The following CORO6 variants were observed in gnomAD, a reference collection of about 807,000 sequenced individuals.
CORO6 encodes the protein coronin 6, also known as coronin-6.
A neutral mutation model predicts 49.0 loss-of-function variants in CORO6; 43 were observed. The observed-to-expected ratio is 0.88, with a 90% CI of 0.69 to 1.13. The LOEUF is 1.13. CORO6 is among the 50% of genes most tolerant of loss of function. CORO6 has a pLI of 0.00. For synonymous variants in CORO6, 233 were observed against 256.5 expected (o/e 0.91, Z 0.88); for missense variants, 650 against 647.0 (o/e 1.00, Z -0.05).
intron 5 of CORO6, chr17:29,618,117 G>A (rs891832793): frequency 7.0e-6 from 10 of 1,434,930 alleles, no homozygotes; most frequent in Non-Finnish European, 9.1e-6. Flanking sequence ...TCCCGTCTGC[G>A]GTGAAGACAG....
At chr17:29,619,350 G>T (rs2035188116) in intron 3 of CORO6, among the ~76,000 whole-genome samples, 161 bp from the exon 4 acceptor site, 3 of 152,146 alleles carry the variant, frequency 2.0e-5, no homozygotes, top group South Asian at 2.1e-4. Flanking sequence ...AAGCAGCTGG[G>T]AGCCAGGAGG....
chr17:29,616,757 C>T lies in CORO6; in HGVS notation c.949G>A (p.Gly317Ser), dbSNP rs781163770. The change falls in exon 8 of 11, where the codon GGC (glycine) becomes AGC (serine). Residue 317 changes from glycine (G) to serine (S), a missense_variant. Gly to Ser is a moderately conservative substitution (Grantham distance 56). Coordinates refer to ENST00000388767, the MANE Select transcript of CORO6 (RefSeq NM_032854.4). This position sits in a 1 kb window ranked among gnomAD's most constrained non-coding sequence, Gnocchi z 5.6. ...NTFSSKEPQR[G>S]MGFMPKRGLD... The stretch of plus-strand genomic sequence containing the variant: ...CCCCTTTTGGGCATGAAACCCATGC[C>T]CCGCTGCGGCTCTTTGCTGCTGAAC... 1.2e-6 allele frequency: 2 copies of T among 1,613,860 alleles called. No homozygotes were observed. Among genetic ancestry groups the T allele is most frequent in the African/African-American group, 2.7e-5 (2 of 75,016 alleles).
chr17:29,619,537 C>T (rs2035198382), intron 3 of CORO6, 114 bp downstream of exon 3: 7 of 1,055,564 alleles, frequency 6.6e-6, no homozygotes, highest in Non-Finnish European at 8.6e-6. Context: ...CAGGGCAGGG[C>T]CCTGGGACCC....
At position 29,619,589 on chromosome 17, in the gene CORO6, A is replaced by G. The variant is rs988372964; in HGVS notation, c.321+62T>C. 11 of 1,551,528 alleles carry G rather than the reference A, an allele frequency of 7.1e-6. No individual in the cohort carries two copies. The African/African-American group carries it at 1.2e-4, about 17-fold the overall frequency. On this transcript the variant is annotated intron_variant, in intron 3 of 10. Transcript: ENST00000388767. Reference sequence around the variant, plus strand: ...CCACCCTTAGCACCTTCCCCAGCACAGGTGAGGCAGCCTTCCCTGCTCCCC... The same window carrying G: ...CCACCCTTAGCACCTTCCCCAGCACGGGTGAGGCAGCCTTCCCTGCTCCCC...
At position 29,615,831 on chromosome 17, in the gene CORO6, C is replaced by T. The variant is rs1174007764; in HGVS notation, c.1320G>A (p.Leu440=). The stretch of plus-strand genomic sequence containing the variant: ...GCTCGCGGAGGGCCTTGATCTCTTC[C>T]AGCAGCGTCTCCAGGGTGTGCTGCT... ...LSQQHTLETL[L]EEIKALRERV... The change falls in exon 11 of 11, where the codon CTG becomes CTA. Residue 440 remains leucine, a synonymous_variant. Transcript: ENST00000388767. 1.3e-6 allele frequency: 2 copies of T among 1,588,018 alleles called. No homozygotes were observed. Among genetic ancestry groups the T allele is most frequent in the Non-Finnish European group, 1.7e-6 (2 of 1,168,406 alleles).
chr17:29,618,554 G>A (rs961677870), intron 5 of CORO6: 2 of 1,376,198 alleles, frequency 1.5e-6, no homozygotes, highest in African/African-American at 2.9e-5. Context: ...CCTTCTCTGA[G>A]CTTCTGAGAT....
At chr17:29,622,656 G>A in intron 1 of CORO6, 32 bp downstream of exon 1, 1 of 1,142,172 alleles carries the variant, frequency 8.8e-7, no homozygotes, top group East Asian at 9.1e-5. Context: ...TCCGCTGGCT[G>A]CGGTGACGGC....
intron 5 of CORO6, chr17:29,618,123 G>A: frequency 7.0e-7 from 1 of 1,429,012 alleles, no homozygotes; most frequent in Middle Eastern, 1.9e-4. Flanking sequence ...CTGCGGTGAA[G>A]ACAGCCCGCA....
chr17:29,615,768 C>G lies in CORO6; in HGVS notation c.1383G>C (p.Glu461Asp). ...CGTCCACCAGCTCGCACAGCATGTTCTCCAGAGCCGTGATGCGCTGCTCCT... is the reference window on the plus strand; with the variant it reads ...CGTCCACCAGCTCGCACAGCATGTTGTCCAGAGCCGTGATGCGCTGCTCCT... Reference protein sequence around the residue: ...QAQEQRITALENMLCELVDGT... With the variant: ...QAQEQRITALDNMLCELVDGT... Residue 461 changes from glutamate to aspartate, a missense_variant, in exon 11 of 11, where the codon GAG becomes GAC. Transcript: ENST00000388767. 6.4e-7 allele frequency: 1 copy of G among 1,552,826 alleles called. No individual in the cohort carries two copies. Among genetic ancestry groups the G allele is most frequent in the Admixed American group, 1.9e-5 (1 of 51,304 alleles).
Position 29,616,773 on chromosome 17 carries a change from G to A in CORO6, c.933C>T (p.Ser311=). 1 of 1,613,924 alleles carries A rather than the reference G, an allele frequency of 6.2e-7. No individual in the cohort carries two copies. Among genetic ancestry groups the A allele is most frequent in the Non-Finnish European group, 8.5e-7 (1 of 1,179,980 alleles). Residue 311 remains serine, a synonymous_variant, in exon 8 of 11, where the codon AGC becomes AGT. Transcript: ENST00000388767. The surrounding 1 kb of genome is among the most constrained non-coding windows in gnomAD (Gnocchi z 5.6). ...PFVHYLNTFS[S]KEPQRGMGFM... ...AACCCATGCCCCGCTGCGGCTCTTT[G>A]CTGCTGAACGTGTTCAGGTAGTGCA...
rs367948668 is a variant in CORO6, at chr17:29,619,134, G to A, written c.377C>T (p.Thr126Ile). 3.7e-6 allele frequency: 6 copies of A among 1,613,624 alleles called. No homozygotes were observed. In the African/African-American group the frequency reaches 6.7e-5, roughly 18 times the overall value. ...CACACGCTTGGAGTGGCCCTCAAGT[G>A]TGATGATAGGTTCCGTAATGTTGCG... ...PMRNITEPII[T>I]LEGHSKRVGI... The change falls in exon 4 of 11, where the codon ACA becomes ATA. Residue 126 changes from threonine (T) to isoleucine (I), a missense_variant. Transcript: ENST00000388767.
At position 29,622,753 on chromosome 17, in the gene CORO6, AGG is replaced by A. The variant is rs749191368; in HGVS notation, c.-131_-130del. Reference sequence around the variant, plus strand: ...CTCTGCGGAAGGGGCCCGAGTGCGTAGGGGGCCGAGGAAGGCTTCAGGGCGAA... The same window carrying A: ...CTCTGCGGAAGGGGCCCGAGTGCGTAGGGCCGAGGAAGGCTTCAGGGCGAA... On this transcript the variant is annotated 5_prime_UTR_variant, in exon 1 of 11. An upstream open reading frame in the 5' UTR gains an earlier in-frame stop. Transcript: ENST00000388767. 15 of 1,320,756 alleles carry A rather than the reference AGG, an allele frequency of 1.1e-5. No individual in the cohort carries two copies. The South Asian group carries it at 1.7e-4, about 15-fold the overall frequency. The allele number at this position is 1,320,756 out of a possible 1,614,324, so 81.8% of individuals were successfully genotyped here.
rs994404265 is a variant in CORO6, at chr17:29,621,508, G to A, written c.-63-24C>T. On this transcript the variant is annotated intron_variant, in intron 1 of 10. Transcript: ENST00000388767. The surrounding 1 kb of genome is among the most constrained non-coding windows in gnomAD (Gnocchi z 4.2). ...AGCTGCGGGAGGGAGGAGGAGTGGA[G>A]GGGTGGCTGATGAGAAGGGTTATGT... 1.3e-6 allele frequency: 2 copies of A among 1,535,592 alleles called. No individual in the cohort carries two copies. Among genetic ancestry groups the A allele is most frequent in the African/African-American group, 2.7e-5 (2 of 72,804 alleles).
Position 29,621,088 on chromosome 17 carries a change from G to A in CORO6, c.198+136C>T. ...CCTCCCCTCTGGTCCTTGAGGGCTT[G>A]GGGAATAGGGAGGAGCCAATCCACA... On this transcript the variant is annotated intron_variant, in intron 2 of 10. Coordinates refer to ENST00000388767, the MANE Select transcript of CORO6 (RefSeq NM_032854.4). This position sits in a 1 kb window ranked among gnomAD's most constrained non-coding sequence, Gnocchi z 4.2. The A allele has an allele frequency of 8.4e-7, 1 of 1,188,144 alleles. No individual in the cohort carries two copies. Among genetic ancestry groups the A allele is most frequent in the Non-Finnish European group, 1.2e-6 (1 of 853,330 alleles). The allele number at this position is 1,188,144 out of a possible 1,614,324, so 73.6% of individuals were successfully genotyped here.
Position 29,616,270 on chromosome 17 carries a change from G to A in CORO6, c.1062+9C>T. ...GTAGCCCTGCCCAACCCTTCTCCCGGCCCCTCACCTTGCGGGGCACAGTCA... is the reference window on the plus strand; with the variant it reads ...GTAGCCCTGCCCAACCCTTCTCCCGACCCCTCACCTTGCGGGGCACAGTCA... On this transcript the variant is annotated intron_variant, in intron 9 of 10. Coordinates refer to ENST00000388767, the MANE Select transcript of CORO6 (RefSeq NM_032854.4). This position sits in a 1 kb window ranked among gnomAD's most constrained non-coding sequence, Gnocchi z 5.6. 6.2e-7 allele frequency: 1 copy of A among 1,611,256 alleles called. No individual in the cohort carries two copies. The highest frequency in any genetic ancestry group is 8.5e-7 in the Non-Finnish European group (1 of 1,178,746).
rs145189449 is a variant in CORO6, at chr17:29,622,893, T to G, written c.-269A>C. ...GCGCCGCTGCAGCCCCAGCTGCCGC[T>G]GCCATCAACCTAAGAGGGCGGGGCT... On this transcript the variant is annotated 5_prime_UTR_variant, in exon 1 of 11. Transcript: ENST00000388767. 87 of 1,260,282 alleles carry G rather than the reference T, an allele frequency of 6.9e-5. No individual in the cohort carries two copies. Among genetic ancestry groups the G allele is most frequent in the South Asian group, 1.3e-4 (10 of 77,436 alleles). 78.1% of individuals were successfully genotyped at this position (1,260,282 alleles called of 1,614,324 possible). A position where few individuals can be genotyped will look rare whatever the true frequency, so the allele number is the denominator to read the frequency against.
At position 29,615,202 on chromosome 17, in the gene CORO6, G is replaced by C. The variant is rs2034791843; in HGVS notation, c.*530C>G. 1 of 152,350 alleles carries C rather than the reference G, an allele frequency of 6.6e-6. No homozygotes were observed. 9.4% of individuals were successfully genotyped at this position (152,350 alleles called of 1,614,324 possible). A position where few individuals can be genotyped will look rare whatever the true frequency, so the allele number is the denominator to read the frequency against. On this transcript the variant is annotated 3_prime_UTR_variant, in exon 11 of 11. Coordinates refer to ENST00000388767, the MANE Select transcript of CORO6 (RefSeq NM_032854.4). ...CAGACCGCTGTGGGTGTAGCCACTG[G>C]GTCCGGCTCTGCAGCAAACGGGTTG...
chr17:29,617,240 A>G, intron 6 of CORO6, 198 bp from the exon 7 acceptor site: 1 of 1,535,170 alleles, frequency 6.5e-7, no homozygotes, highest in South Asian at 1.2e-5. Flanking sequence ...CTGCACATAT[A>G]CCCGCTGCGC....
rs1480813825 is a variant in CORO6, at chr17:29,618,789, C to A, written c.633+1G>T. 1 of 1,613,050 alleles carries A rather than the reference C, an allele frequency of 6.2e-7. No homozygotes were observed. The highest frequency in any genetic ancestry group is 8.5e-7 in the Non-Finnish European group (1 of 1,179,692). On this transcript the variant is annotated splice_donor_variant, in intron 5 of 10. Transcript: ENST00000388767. LOFTEE classifies it high-confidence loss of function. ...GGGGAGTGGCCAGGCCAGGCACTCA[C>A]CGCCACCACTTGGCCTTTTCTGGGG... is the stretch of plus-strand genomic sequence containing the variant.
Sources: allele counts gnomAD v4.1 joint callset (sites outside exome capture counted in the v4.1 genomes callset), GRCh38; gene constraint gnomAD v4.1.1; non-coding constraint Gnocchi (gnomAD v3.1); transcripts MANE v1.5; gene names NCBI Gene and HGNC (gene_info 2026-07-23, HGNC 2026-07-21).